The following THRA variants were observed in gnomAD, a reference collection of about 807,000 sequenced individuals.
THRA encodes the protein thyroid hormone receptor alpha.
A neutral mutation model predicts 45.0 loss-of-function variants in THRA; 13 were observed. The ratio of observed to expected loss-of-function variants is 0.29; its 90% CI spans 0.19 to 0.46. The LOEUF (loss-of-function observed/expected upper bound fraction) is 0.46, where lower values mean the gene tolerates loss of function less well. Ranked by LOEUF, THRA falls within the 20% of genes least tolerant of loss-of-function variation. The probability of loss-of-function intolerance (pLI) is 1.00; values close to 1 mark genes in which losing one functional copy is unlikely to be tolerated. For synonymous variants in THRA, 195 were observed against 214.0 expected (o/e 0.91, Z 0.78); for missense variants, 278 against 556.1 (o/e 0.50, Z 5.03).
In THRA at chr17:40,080,669, C is replaced by T. The variant is rs550171043; in HGVS notation, c.222+3061C>T. On this transcript the variant is annotated intron_variant, in intron 4 of 8. Coordinates refer to ENST00000450525, the MANE Select transcript of THRA (RefSeq NM_199334.5). ...CCTTGGATAGTTTTATTTTGTAGTT[C>T]TGGAGTGAGGCCCAGGAATCTGTAT... Among the ~76,000 whole-genome samples, 6 of 149,674 alleles carry T rather than the reference C, an allele frequency of 4.0e-5. No homozygotes were observed. In the South Asian group the frequency reaches 1.3e-3, roughly 32 times the overall value.
chr17:40,078,727 CTTTT>C (rs746350223), intron 4 of THRA, among the ~76,000 whole-genome samples: 2 of 102,612 alleles, frequency 1.9e-5, no homozygotes. Context: ...CAGCCTTCAT[CTTTT>C]TTTTTTTTTT....
chr17:40,089,078 T>G lies in THRA; in HGVS notation c.983-128T>G. On this transcript the variant is annotated intron_variant, in intron 8 of 8. Transcript: ENST00000450525. This position sits in a 1 kb window ranked among gnomAD's most constrained non-coding sequence, Gnocchi z 6.1. ...CGTCTCTCAGGGGGAGCTTCTCCCC[T>G]CCCCTCCCCCAGCCTCTCTGCCTCT... is the stretch of plus-strand genomic sequence containing the variant. The G allele has an allele frequency of 1.5e-6, 1 of 645,802 alleles. No individual in the cohort carries two copies. 40.0% of individuals were successfully genotyped at this position (645,802 alleles called of 1,614,324 possible).
chr17:40,065,792 T>C (rs1986538840), intron 1 of THRA, among the ~76,000 whole-genome samples: 2 of 151,422 alleles, frequency 1.3e-5, no homozygotes, highest in African/African-American at 4.9e-5. Context: ...GGTCAGCCAC[T>C]GCCCATGCTG....
intron 1 of THRA, 117 bp from the exon 2 acceptor site, chr17:40,074,075 C>T: frequency 4.3e-6 from 1 of 234,728 alleles, no homozygotes; most frequent in Non-Finnish European, 8.6e-6. Flanking sequence ...CCTGCCCTTC[C>T]TGCCCCCTGC....
Position 40,076,918 on chromosome 17 carries a change from C to G in THRA, c.101C>G (p.Ser34Cys). ...CGAAAAAGAAAGAACGGCCAATGTT[C>G]CCTGAAAACCAGCATGTCAGGTGAG... ...GKRKRKNGQC[S>C]LKTSMSGYIP... The change falls in exon 3 of 9, where the codon TCC (serine) becomes TGC (cysteine). Residue 34 changes from serine (S) to cysteine (C), a missense_variant. Ser to Cys is a moderately radical substitution (Grantham distance 112). Around this residue, in one of 6 missense-constraint regions of THRA, gnomAD observed 34 missense variants for 39.7 expected, o/e 0.86. Transcript: ENST00000450525. The G allele has an allele frequency of 6.2e-7, 1 of 1,614,120 alleles. No homozygotes were observed. The highest frequency in any genetic ancestry group is 1.1e-5 in the South Asian group (1 of 91,084).
At chr17:40,076,964 C>T (rs552800414) in intron 3 of THRA, 26 bp downstream of exon 3, 3 of 1,611,350 alleles carry the variant, frequency 1.9e-6, no homozygotes, top group South Asian at 2.2e-5. Flanking sequence ...CGTGCCCCTT[C>T]TCCACGTCCC....
At chr17:40,085,291 G>T (rs1186273531) in intron 6 of THRA, among the ~76,000 whole-genome samples, 1 of 152,006 alleles carries the variant, frequency 6.6e-6, no homozygotes, top group African/African-American at 2.4e-5. Flanking sequence ...GAGCCCAGGA[G>T]TTTGAGACCA....
chr17:40,087,189 T>C (rs1338274870), intron 7 of THRA, among the ~76,000 whole-genome samples: 4 of 105,058 alleles, frequency 3.8e-5, no homozygotes, highest in African/African-American at 3.9e-5. Flanking sequence ...CACACAGACA[T>C]ATACACCCAG....
intron 1 of THRA, among the ~76,000 whole-genome samples, chr17:40,071,433 A>G (rs73985248): frequency 0.026 from 3,960 of 152,224 alleles, 139 homozygotes; most frequent in African/African-American, 0.081. Context: ...CTGTCCCCCC[A>G]TGGCAGAAGT....
intron 1 of THRA, among the ~76,000 whole-genome samples, chr17:40,072,898 C>A (rs372655700): frequency 2.6e-5 from 4 of 152,162 alleles, no homozygotes; most frequent in East Asian, 3.9e-4. Flanking sequence ...CATGCCCCCC[C>A]ACCCCAGTCT....
intron 1 of THRA, among the ~76,000 whole-genome samples, chr17:40,066,544 A>G (rs1230142933): frequency 6.6e-6 from 1 of 151,898 alleles, no homozygotes; most frequent in Non-Finnish European, 1.5e-5. Flanking sequence ...GGGTCCTGTA[A>G]TCCCAGCTAC....
chr17:40,077,627 G>T lies in THRA; in HGVS notation c.222+19G>T, dbSNP rs1416763704. The T allele has an allele frequency of 6.2e-7, 1 of 1,601,748 alleles. No individual in the cohort carries two copies. The highest frequency in any genetic ancestry group is 8.6e-7 in the Non-Finnish European group (1 of 1,169,272). Reference sequence around the variant, plus strand: ...CTGCAAGGTATGGAAGCTACCTCCTGCCCCTCCCCTGCCACCTGAGCCCCC... The same window carrying T: ...CTGCAAGGTATGGAAGCTACCTCCTTCCCCTCCCCTGCCACCTGAGCCCCC... On this transcript the variant is annotated intron_variant, in intron 4 of 8. Transcript: ENST00000450525.
In THRA at chr17:40,091,065, G is replaced by A. The variant is rs1987516637; in HGVS notation, c.*1609G>A. 6.6e-6 allele frequency: 1 copy of A among 151,788 alleles called. No homozygotes were observed. The highest frequency in any genetic ancestry group is 2.1e-4 in the South Asian group (1 of 4,798). The allele number at this position is 151,788 out of a possible 1,614,324, so 9.4% of individuals were successfully genotyped here. On this transcript the variant is annotated 3_prime_UTR_variant, in exon 9 of 9. Transcript: ENST00000450525. ...CTGGGCTCAGGGCTGCATGTCGGCA[G>A]GGATGGATGGGTGGACACAGATGCC...
At chr17:40,088,932 T>C (rs1987430255) in intron 8 of THRA, among the ~76,000 whole-genome samples, 2 of 129,938 alleles carry the variant, frequency 1.5e-5, no homozygotes, top group Non-Finnish European at 1.6e-5. Flanking sequence ...CCAAGGCTCC[T>C]CTCTCTCCCC....
chr17:40,078,037 C>T (rs1159545159), intron 4 of THRA, among the ~76,000 whole-genome samples: 6 of 152,316 alleles, frequency 3.9e-5, no homozygotes, highest in South Asian at 2.1e-4. Flanking sequence ...ATTCATAACT[C>T]CTCCTCTGCC....
At chr17:40,082,388 C>CT (rs58529995) in intron 4 of THRA, among the ~76,000 whole-genome samples, 23 of 146,212 alleles carry the variant, frequency 1.6e-4, no homozygotes, top group East Asian at 6.0e-4. Context: ...CTAATTTTTT[C>CT]TTTTTTTTTT....
At chr17:40,077,028 T>C (rs568279073) in intron 3 of THRA, 90 bp downstream of exon 3, 1 of 1,337,734 alleles carries the variant, frequency 7.5e-7, no homozygotes, top group Non-Finnish European at 1.1e-6. Context: ...GGAACAGTAA[T>C]TCATGTGTTC....
At chr17:40,085,745 G>A (rs985950326) in intron 6 of THRA, among the ~76,000 whole-genome samples, 1 of 151,898 alleles carries the variant, frequency 6.6e-6, no homozygotes, top group Non-Finnish European at 1.5e-5. Flanking sequence ...CCGGCTTCAA[G>A]CGATTCTCCT....
At chr17:40,077,882 A>G (rs1987007204) in intron 4 of THRA, among the ~76,000 whole-genome samples, 1 of 152,056 alleles carries the variant, frequency 6.6e-6, no homozygotes, top group East Asian at 1.9e-4. Flanking sequence ...TATTTTTAGT[A>G]GAGACGGGGT....
Sources: gnomAD v4.1 joint callset for allele counts (sites outside exome capture counted in the v4.1 genomes callset) on GRCh38, gnomAD v4.1.1 for gene constraint, gnomAD v4.1.1 regional missense constraint, Gnocchi (gnomAD v3.1) non-coding constraint, MANE v1.5 for transcripts, NCBI Gene and HGNC (gene_info 2026-07-23, HGNC 2026-07-21) for gene names.